Variants in C14orf39 observed in about 807,000 individuals in gnomAD.
C14orf39 encodes chromosome 14 open reading frame 39.
A neutral mutation model predicts 85.6 loss-of-function variants in C14orf39; 66 were observed. The observed-to-expected ratio is 0.77, with a 90% CI of 0.63 to 0.95. C14orf39 has a LOEUF of 0.95. C14orf39 is among the 40% of genes least tolerant of loss of function. The pLI is 0.00. For missense variants in C14orf39, 735 were observed against 663.9 expected, an observed-to-expected ratio of 1.11 and a Z score of -1.18; for synonymous variants, 242 against 214.0, an observed-to-expected ratio of 1.13 and a Z score of -1.14.
At position 60,491,772 on chromosome 14, in the gene C14orf39, C is replaced by A. The variant is rs1892992411; in HGVS notation, c.-8-6686G>T. Among the ~76,000 whole-genome samples, 1 of 152,160 alleles carries A rather than the reference C, an allele frequency of 6.6e-6. No homozygotes were observed. Among genetic ancestry groups the A allele is most frequent in the African/African-American group, 2.4e-5 (1 of 41,444 alleles). On this transcript the variant is annotated intron_variant, in intron 2 of 5. Transcript: ENST00000556799. This position sits in a 1 kb window ranked among gnomAD's most constrained non-coding sequence, Gnocchi z 4.5. ...CCCTCTTGCCCATTCTCTCTCCATC[C>A]TGTGACAGAGCAATTCTTAAATGTA...
chr14:60,452,354 T>C (rs1164252152), intron 16 of C14orf39, among the ~76,000 whole-genome samples: 1 of 152,008 alleles, frequency 6.6e-6, no homozygotes, highest in Non-Finnish European at 1.5e-5. Context: ...ACAACATGGA[T>C]GGAACTAGAG....
rs576032662 is a variant in C14orf39 at position 60,515,011 on chromosome 14, T to C, written c.-144+384A>G. Reference sequence around the variant, plus strand: ...GGGTTTTGTCGGCCTGAATGGCTAATAGGTTTGCCTGTGAGCTGCGAGGGG... The same window carrying C: ...GGGTTTTGTCGGCCTGAATGGCTAACAGGTTTGCCTGTGAGCTGCGAGGGG... On this transcript the variant is annotated intron_variant, in intron 1 of 5. Coordinates refer to the C14orf39 transcript ENST00000556799. This position sits in a 1 kb window ranked among gnomAD's most constrained non-coding sequence, Gnocchi z 6.2. 1.3e-5 allele frequency: 2 copies of C among 152,518 alleles called. No individual in the cohort carries two copies. Among genetic ancestry groups the C allele is most frequent in the East Asian group, 3.9e-4 (2 of 5,086 alleles). 9.4% of individuals were successfully genotyped at this position (152,518 alleles called of 1,614,324 possible).
intron 1 of C14orf39, chr14:60,508,932 C>G: frequency 5.4e-6 from 1 of 185,078 alleles, no homozygotes; most frequent in Non-Finnish European, 1.1e-5. Context: ...CTGCCGCACT[C>G]GCCTCTCTTT....
At chr14:60,481,410 A>G (rs2350901) in intron 4 of C14orf39, among the ~76,000 whole-genome samples, 121,005 of 152,070 alleles carry the variant, frequency 0.8, 49,479 homozygotes, top group Non-Finnish European at 0.88. Flanking sequence ...TAATCCCAGC[A>G]CTTTGGGAGG....
chr14:60,442,539 T>TA (rs1378874809), intron 16 of C14orf39, among the ~76,000 whole-genome samples: 1 of 151,974 alleles, frequency 6.6e-6, no homozygotes, highest in South Asian at 2.1e-4. Context: ...AACAGGCTTT[T>TA]AAAAAAAATG....
intron 17 of C14orf39, among the ~76,000 whole-genome samples, chr14:60,440,713 G>T (rs1890471267): frequency 6.6e-6 from 1 of 152,070 alleles, no homozygotes; most frequent in Non-Finnish European, 1.5e-5. Flanking sequence ...AGTCCTTAAT[G>T]ATCTACAGGT....
At chr14:60,474,824 T>C (rs1466895659) in intron 5 of C14orf39, among the ~76,000 whole-genome samples, 3 of 152,164 alleles carry the variant, frequency 2.0e-5, no homozygotes, top group Non-Finnish European at 4.4e-5. Flanking sequence ...TGAGGATTTT[T>C]GCAGGGATGT....
At chr14:60,471,392 T>C (rs1205808536) in intron 7 of C14orf39, 25 bp downstream of exon 7, 6 of 1,503,632 alleles carry the variant, frequency 4.0e-6, no homozygotes, top group Admixed American at 2.0e-5. Context: ...ATAAAAATTA[T>C]AAGTACAAAT....
At chr14:60,507,096 T>C (rs953094257) in intron 1 of C14orf39, among the ~76,000 whole-genome samples, 2 of 152,038 alleles carry the variant, frequency 1.3e-5, no homozygotes, top group Non-Finnish European at 2.9e-5. Flanking sequence ...TCGCGGGCTG[T>C]AAGGTCTCCG....
chr14:60,450,952 A>C (rs1197822604), intron 16 of C14orf39, among the ~76,000 whole-genome samples: 6 of 152,204 alleles, frequency 3.9e-5, no homozygotes, highest in Non-Finnish European at 7.4e-5. Flanking sequence ...CTTGGAGCCC[A>C]AGTCCCTTTG....
intron 16 of C14orf39, 55 bp from the exon 17 acceptor site, chr14:60,442,186 T>A: frequency 9.0e-7 from 1 of 1,105,050 alleles, no homozygotes; most frequent in Non-Finnish European, 1.3e-6. Context: ...ACAGTATATA[T>A]AGTACATATA....
chr14:60,504,713 A>T (rs753700399), intron 1 of C14orf39, among the ~76,000 whole-genome samples: 1 of 152,230 alleles, frequency 6.6e-6, no homozygotes, highest in Admixed American at 6.5e-5. Flanking sequence ...TGCTGTAAAC[A>T]TTTAGGCTTG....
At position 60,459,212 on chromosome 14, in the gene C14orf39, G is replaced by C. The variant is rs1158552898; in HGVS notation, c.1118-473C>G. 2.0e-5 allele frequency among the ~76,000 whole-genome samples: 3 copies of C among 151,746 alleles called. No individual in the cohort carries two copies. In the Middle Eastern group the frequency reaches 0.01, roughly 516 times the overall value. On this transcript the variant is annotated intron_variant, in intron 13 of 17. Coordinates refer to ENST00000321731, the MANE Select transcript of C14orf39 (RefSeq NM_174978.3). ...AGATGCATCCATATTATTGCACAAA[G>C]ACACAGTTCTCTTATTTTTACTGAT...
intron 1 of C14orf39, among the ~76,000 whole-genome samples, chr14:60,514,722 TC>T (rs1461045176): frequency 6.6e-6 from 1 of 152,124 alleles, no homozygotes; most frequent in Non-Finnish European, 1.5e-5. Flanking sequence ...CCTCGTTCCC[TC>T]TCCCTAATTT....
intron 1 of C14orf39, chr14:60,511,142 G>C (rs745524344): frequency 6.2e-6 from 10 of 1,612,876 alleles, no homozygotes; most frequent in African/African-American, 1.3e-5. Context: ...GGAGGGCGAC[G>C]GCACGCCAGA....
chr14:60,447,415 G>A (rs1890823444), intron 16 of C14orf39, among the ~76,000 whole-genome samples: 1 of 152,148 alleles, frequency 6.6e-6, no homozygotes. Flanking sequence ...CAGACAGAGA[G>A]CCAAATCATG....
Position 60,437,005 on chromosome 14 carries a change from A to C in C14orf39, c.1604T>G (p.Phe535Cys). Residue 535 changes from phenylalanine to cysteine, a missense_variant, in exon 18 of 18, where the codon TTT becomes TGT. Phe to Cys is a radical substitution (Grantham distance 205, BLOSUM62 -2). Transcript: ENST00000321731. ...EKPEGEDGFT[F>C]SFPSDTSTHT... The stretch of plus-strand genomic sequence containing the variant: ...AGTTGAAGTGTCTGATGGAAAAGAA[A>C]ATGTAAAGCCATCTTCTCCTTCTGG... 3 of 1,610,862 alleles carry C rather than the reference A, an allele frequency of 1.9e-6. No individual in the cohort carries two copies. Among genetic ancestry groups the C allele is most frequent in the Non-Finnish European group, 2.5e-6 (3 of 1,178,808 alleles).
intron 16 of C14orf39, among the ~76,000 whole-genome samples, chr14:60,444,593 C>T (rs772753598): frequency 4.6e-5 from 7 of 152,094 alleles, no homozygotes; most frequent in Non-Finnish European, 8.8e-5. Context: ...CTGAAAGTGA[C>T]GGGGAGAATG....
At chr14:60,462,201 C>A (rs1209096056) in intron 11 of C14orf39, among the ~76,000 whole-genome samples, 1 of 151,612 alleles carries the variant, frequency 6.6e-6, no homozygotes, top group African/African-American at 2.4e-5. Context: ...ATAGTGAGAC[C>A]CCATCTCTAC....
Sources: gnomAD v4.1 joint callset for allele counts (sites outside exome capture counted in the v4.1 genomes callset) on GRCh38, gnomAD v4.1.1 for gene constraint, Gnocchi (gnomAD v3.1) non-coding constraint, MANE v1.5 for transcripts, NCBI Gene and HGNC (gene_info 2026-07-23, HGNC 2026-07-21) for gene names.